Variants in HMGB1 observed in about 807,000 individuals in gnomAD.
HMGB1 encodes the protein high mobility group box 1, also known as high mobility group protein B1.
For synonymous variants in HMGB1, 81 were observed against 84.0 expected (o/e 0.96, Z 0.19); for missense variants, 79 against 253.5 (o/e 0.31, Z 4.67).
chr13:30,487,469 A>G (rs945890294), intron 1 of HMGB1, among the ~76,000 whole-genome samples: 2 of 152,268 alleles, frequency 1.3e-5, no homozygotes, highest in Non-Finnish European at 2.9e-5. Context: ...GCATTTATGC[A>G]GAGGGTTGCA....
chr13:30,513,125 T>C (rs60512374), intron 1 of HMGB1, among the ~76,000 whole-genome samples: 15,550 of 152,048 alleles, frequency 0.1, 1,202 homozygotes, highest in African/African-American at 0.2. Context: ...ATCACACCAC[T>C]GCACTGCACT....
intron 1 of HMGB1, chr13:30,541,680 C>A: frequency 6.4e-6 from 1 of 157,134 alleles, no homozygotes; most frequent in Non-Finnish European, 1.4e-5. Flanking sequence ...TCAGCTACAT[C>A]TTGTGCTTCA....
chr13:30,473,315 T>C (rs1240072233), intron 1 of HMGB1, among the ~76,000 whole-genome samples: 2 of 152,134 alleles, frequency 1.3e-5, no homozygotes, highest in African/African-American at 4.8e-5. Flanking sequence ...TTCTCTAGAA[T>C]TGGATGATTT....
intron 1 of HMGB1, among the ~76,000 whole-genome samples, chr13:30,578,263 CTTTA>C (rs1413819036): frequency 6.6e-5 from 10 of 151,374 alleles, no homozygotes; most frequent in East Asian, 3.9e-4. Context: ...TTTTGCAAGC[CTTTA>C]TTTATTATGA....
chr13:30,590,598 A>T (rs970354253), intron 1 of HMGB1, among the ~76,000 whole-genome samples: 1 of 152,234 alleles, frequency 6.6e-6, no homozygotes, highest in African/African-American at 2.4e-5. Flanking sequence ...AAGAAATGAC[A>T]AGCCGTTCAA....
At chr13:30,595,348 C>T (rs535485409) in intron 1 of HMGB1, among the ~76,000 whole-genome samples, 19 of 152,248 alleles carry the variant, frequency 1.2e-4, no homozygotes, top group African/African-American at 3.1e-4. Flanking sequence ...GTTCTAGCCA[C>T]GATCCAAGTC....
At chr13:30,478,515 C>G (rs1887150806) in intron 1 of HMGB1, among the ~76,000 whole-genome samples, 1 of 152,086 alleles carries the variant, frequency 6.6e-6, no homozygotes, top group Non-Finnish European at 1.5e-5. Context: ...AACTGAATGC[C>G]TTGCAAAAAT....
rs1886196776 is a variant in HMGB1, at chr13:30,459,813, A to G, written c.*1544T>C. 1 of 152,448 alleles carries G rather than the reference A, an allele frequency of 6.6e-6. No homozygotes were observed. The highest frequency in any genetic ancestry group is 2.1e-4 in the South Asian group (1 of 4,832). 9.4% of individuals were successfully genotyped at this position (152,448 alleles called of 1,614,324 possible). Reference sequence around the variant, plus strand: ...AACAAGATTTAAAAATATGTAACAAAATCTTAAGTTCTTAAGTGAAAGCCA... The same window carrying G: ...AACAAGATTTAAAAATATGTAACAAGATCTTAAGTTCTTAAGTGAAAGCCA... On this transcript the variant is annotated 3_prime_UTR_variant, in exon 5 of 5. Transcript: ENST00000341423.
At chr13:30,477,821 G>A (rs1887132740) in intron 1 of HMGB1, among the ~76,000 whole-genome samples, 1 of 152,150 alleles carries the variant, frequency 6.6e-6, no homozygotes, top group African/African-American at 2.4e-5. Context: ...GGGACAGACA[G>A]CCTTACCATC....
chr13:30,581,898 C>T (rs1340697527), intron 1 of HMGB1, among the ~76,000 whole-genome samples: 2 of 152,160 alleles, frequency 1.3e-5, no homozygotes, highest in Admixed American at 1.3e-4. Context: ...TCAAGACTTT[C>T]TGGGAAGGTA....
At chr13:30,538,573 TTTC>T (rs1184801441) in intron 1 of HMGB1, among the ~76,000 whole-genome samples, 1 of 87,956 alleles carries the variant, frequency 1.1e-5, no homozygotes, top group East Asian at 2.5e-4. Flanking sequence ...CTTCTTTTTC[TTTC>T]TTTCTTTCTT....
chr13:30,557,903 T>C (rs1869757729), intron 1 of HMGB1, among the ~76,000 whole-genome samples: 1 of 152,186 alleles, frequency 6.6e-6, no homozygotes, highest in South Asian at 2.1e-4. Context: ...TCGGTATGTG[T>C]TCATGTGGTT....
chr13:30,560,902 C>A (rs1342859896), intron 1 of HMGB1, among the ~76,000 whole-genome samples: 1 of 151,324 alleles, frequency 6.6e-6, no homozygotes, highest in African/African-American at 2.4e-5. Context: ...CCAGTAGAGG[C>A]TGGAGTTCAT....
At chr13:30,467,519 CTA>C (rs1886823644), upstream of HMGB1, among the ~76,000 whole-genome samples, 2 of 152,022 alleles carry the variant, frequency 1.3e-5, no homozygotes, top group African/African-American at 2.4e-5. Context: ...ATGAAAAAGA[CTA>C]TAATATTAAA....
rs138714536 is a variant in HMGB1 at position 30,571,339 on chromosome 13, G to A, written c.-15+45332C>T. Among the ~76,000 whole-genome samples the A allele has an allele frequency of 5.5e-3, 823 of 149,632 alleles. 22 individuals are homozygous for A. The highest frequency in any genetic ancestry group is 0.04 in the Admixed American group (593 of 14,948). ...AGATGGAGTCTCGCTCTCTCGCCCA[G>A]GCTGGAGTGCAGTGGCGCAATCTTG... On this transcript the variant is annotated intron_variant, in intron 1 of 4. Coordinates refer to the HMGB1 transcript ENST00000405805.
intron 1 of HMGB1, among the ~76,000 whole-genome samples, chr13:30,563,654 C>A (rs1208064424): frequency 3.3e-5 from 5 of 152,172 alleles, no homozygotes; most frequent in African/African-American, 1.2e-4. Context: ...CCATTTCTTT[C>A]TTTTGGTACA....
intron 1 of HMGB1, among the ~76,000 whole-genome samples, chr13:30,529,263 T>C (rs898587487): frequency 6.6e-6 from 1 of 152,080 alleles, no homozygotes; most frequent in African/African-American, 2.4e-5. Flanking sequence ...CATTACCTGC[T>C]CAGAGAGGTT....
At chr13:30,585,361 C>G (rs1359796379) in intron 1 of HMGB1, among the ~76,000 whole-genome samples, 1 of 151,918 alleles carries the variant, frequency 6.6e-6, no homozygotes, top group East Asian at 1.9e-4. Flanking sequence ...CAAAAAAACC[C>G]AATGCATTGC....
intron 1 of HMGB1, among the ~76,000 whole-genome samples, chr13:30,481,311 A>T (rs1292524407): frequency 1.3e-5 from 1 of 79,318 alleles, no homozygotes; most frequent in Admixed American, 1.2e-4. Context: ...CTACAGCAAC[A>T]GAAAAAGAGA....
Sources: gnomAD v4.1 joint callset for allele counts (sites outside exome capture counted in the v4.1 genomes callset) on GRCh38, gnomAD v4.1.1 for gene constraint, MANE v1.5 for transcripts, NCBI Gene and HGNC (gene_info 2026-07-23, HGNC 2026-07-21) for gene names.